Variants in TEAD1 observed in about 807,000 individuals in gnomAD.
TEAD1 encodes transcriptional enhancer factor TEF-1.
A neutral mutation model predicts 54.9 loss-of-function variants in TEAD1; 9 were observed. The ratio of observed to expected loss-of-function variants is 0.16; its 90% CI spans 0.10 to 0.29. The LOEUF (loss-of-function observed/expected upper bound fraction) is 0.29. Ranked by LOEUF, TEAD1 falls within the 10% of genes least tolerant of loss-of-function variation. TEAD1 has a pLI of 1.00. For missense variants in TEAD1, 387 were observed against 535.9 expected (o/e 0.72, Z 2.74); for synonymous variants, 200 against 187.8 (o/e 1.07, Z -0.53).
intron 3 of TEAD1, among the ~76,000 whole-genome samples, chr11:12,790,431 G>A (rs1430624701): frequency 2.0e-5 from 3 of 152,210 alleles, no homozygotes; most frequent in Admixed American, 6.5e-5. Flanking sequence ...CTTGGACACA[G>A]TAGGTACTCA....
At chr11:12,822,113 A>G (rs1289517890) in intron 3 of TEAD1, among the ~76,000 whole-genome samples, 4 of 150,938 alleles carry the variant, frequency 2.7e-5, no homozygotes, top group Non-Finnish European at 5.9e-5. Context: ...ACAGGCACCC[A>G]CCACCATGCC....
intron 3 of TEAD1, among the ~76,000 whole-genome samples, chr11:12,835,530 A>G (rs1946869655): frequency 6.7e-6 from 1 of 149,796 alleles, no homozygotes; most frequent in East Asian, 2.0e-4. Flanking sequence ...AATGTTGACC[A>G]GGCTGGTCTC....
intron 3 of TEAD1, chr11:12,851,174 C>A: frequency 2.3e-6 from 2 of 851,118 alleles, no homozygotes; most frequent in Non-Finnish European, 2.8e-6. Context: ...TACGTGGAAT[C>A]TTAAAAAAAA....
In TEAD1 at chr11:12,881,058, C is replaced by T; in HGVS notation, c.512+7C>T. ...AGCCAGGATCCTCACAAGAGTAAGT[C>T]TGAGGAGGGGTGGGCACTGACAACT... On this transcript the variant is annotated splice_region_variant and intron_variant, in intron 7 of 12. Coordinates refer to ENST00000527636, the MANE Select transcript of TEAD1 (RefSeq NM_021961.6). 1 of 1,614,064 alleles carries T rather than the reference C, an allele frequency of 6.2e-7. No homozygotes were observed. The highest frequency in any genetic ancestry group is 1.1e-5 in the South Asian group (1 of 91,088).
chr11:12,805,201 G>A (rs1292282024), intron 3 of TEAD1, among the ~76,000 whole-genome samples: 1 of 152,198 alleles, frequency 6.6e-6, no homozygotes, highest in Non-Finnish European at 1.5e-5. Flanking sequence ...TTGTATAAGT[G>A]AGCAGGCATG....
In TEAD1 at chr11:12,937,333, G is replaced by A; in HGVS notation, c.*111G>A. 1.0e-6 allele frequency: 1 copy of A among 952,948 alleles called. No individual in the cohort carries two copies. Among genetic ancestry groups the A allele is most frequent in the South Asian group, 1.5e-5 (1 of 67,154 alleles). The allele number at this position is 952,948 out of a possible 1,614,324, so 59.0% of individuals were successfully genotyped here. A position where few individuals can be genotyped will look rare whatever the true frequency, so the allele number is the denominator to read the frequency against. ...GACTGTAAACCTCACCACACAGGGTGGTGCCCTGGCCCCGAGGTCACCCCG... is the reference window on the plus strand; with the variant it reads ...GACTGTAAACCTCACCACACAGGGTAGTGCCCTGGCCCCGAGGTCACCCCG... On this transcript the variant is annotated 3_prime_UTR_variant, in exon 13 of 13. Transcript: ENST00000527636.
chr11:12,764,554 AT>A, intron 3 of TEAD1, 120 bp downstream of exon 3: 1 of 1,213,626 alleles, frequency 8.2e-7, no homozygotes, highest in Non-Finnish European at 1.2e-6. Flanking sequence ...TATTTGTAGA[AT>A]TTTAGTGGGT....
chr11:12,933,923 T>A (rs1949054543), intron 12 of TEAD1, among the ~76,000 whole-genome samples: 1 of 152,144 alleles, frequency 6.6e-6, no homozygotes, highest in South Asian at 2.1e-4. Context: ...TAGGAACACT[T>A]TTACACTGTT....
At chr11:12,919,616 C>T (rs1243414253) in intron 10 of TEAD1, among the ~76,000 whole-genome samples, 5 of 151,708 alleles carry the variant, frequency 3.3e-5, no homozygotes, top group African/African-American at 9.7e-5. Flanking sequence ...ATTTTAGCCT[C>T]CCAGGTAGCT....
At chr11:12,840,748 G>C (rs1445521437) in intron 3 of TEAD1, among the ~76,000 whole-genome samples, 1 of 152,174 alleles carries the variant, frequency 6.6e-6, no homozygotes, top group Admixed American at 6.5e-5. Flanking sequence ...ACTTCATAGG[G>C]AAGTTTATAT....
At chr11:12,685,616 C>T (rs192929857) in intron 2 of TEAD1, among the ~76,000 whole-genome samples, 4 of 152,202 alleles carry the variant, frequency 2.6e-5, no homozygotes, top group East Asian at 1.9e-4. Flanking sequence ...ACATATAGTT[C>T]GTTTCAAAGA....
chr11:12,746,620 A>G (rs1277972961), intron 2 of TEAD1, among the ~76,000 whole-genome samples: 2 of 152,210 alleles, frequency 1.3e-5, no homozygotes, highest in Non-Finnish European at 2.9e-5. Flanking sequence ...GTCCTCTTTG[A>G]CACATGTTCA....
intron 10 of TEAD1, among the ~76,000 whole-genome samples, chr11:12,916,863 G>T (rs1948723016): frequency 6.6e-6 from 1 of 152,198 alleles, no homozygotes; most frequent in Admixed American, 6.5e-5. Context: ...GGGTGAGGAG[G>T]AGGAGAGGAA....
intron 2 of TEAD1, among the ~76,000 whole-genome samples, chr11:12,723,257 C>A (rs779016803): frequency 6.6e-6 from 1 of 152,092 alleles, no homozygotes; most frequent in Admixed American, 6.6e-5. Flanking sequence ...TGGTGCACAT[C>A]GTTTAATTGA....
intron 3 of TEAD1, among the ~76,000 whole-genome samples, chr11:12,835,239 A>T (rs2134023482): frequency 6.6e-6 from 1 of 152,292 alleles, no homozygotes; most frequent in African/African-American, 2.4e-5. Context: ...TTTGGGATAG[A>T]TTCCTGGTGA....
At chr11:12,790,584 A>G (rs1228170144) in intron 3 of TEAD1, among the ~76,000 whole-genome samples, 1 of 152,244 alleles carries the variant, frequency 6.6e-6, no homozygotes, top group Non-Finnish European at 1.5e-5. Context: ...CCCCAGGTTC[A>G]TCTCCCATAT....
chr11:12,854,222 T>A (rs994045678), intron 3 of TEAD1, among the ~76,000 whole-genome samples: 1 of 152,172 alleles, frequency 6.6e-6, no homozygotes, highest in Non-Finnish European at 1.5e-5. Context: ...GAGCCTGTCC[T>A]TACACCTAAT....
intron 6 of TEAD1, among the ~76,000 whole-genome samples, chr11:12,880,259 A>G (rs2134095350): frequency 6.6e-6 from 1 of 152,256 alleles, no homozygotes; most frequent in Non-Finnish European, 1.5e-5. Context: ...AAGGTATTCT[A>G]TTAACATTTA....
At chr11:12,807,618 C>G (rs1165022548) in intron 3 of TEAD1, among the ~76,000 whole-genome samples, 1 of 152,184 alleles carries the variant, frequency 6.6e-6, no homozygotes, top group African/African-American at 2.4e-5. Context: ...TAAATGCAAA[C>G]TATTAATCAC....
Sources: gnomAD v4.1 joint callset for allele counts (sites outside exome capture counted in the v4.1 genomes callset) on GRCh38, gnomAD v4.1.1 for gene constraint, MANE v1.5 for transcripts, NCBI Gene and HGNC (gene_info 2026-07-23, HGNC 2026-07-21) for gene names.